LEPROTL1: variants seen among roughly 807,000 people sequenced by gnomAD.
LEPROTL1 encodes the protein leptin receptor overlapping transcript-like 1.
LEPROTL1 carries 6 observed loss-of-function variants against 15.4 expected under a neutral mutation model. The ratio of observed to expected loss-of-function variants is 0.39; its 90% CI spans 0.21 to 0.77. The LOEUF (loss-of-function observed/expected upper bound fraction) is 0.77. Among genes scored for constraint, LEPROTL1 ranks in the 30% least tolerant of loss-of-function variants. LEPROTL1 has a pLI of 0.41. For synonymous variants in LEPROTL1, 56 were observed against 52.6 expected, an observed-to-expected ratio of 1.06 and a Z score of -0.28; for missense variants, 128 against 158.1, an observed-to-expected ratio of 0.81 and a Z score of 1.02.
intron 2 of LEPROTL1, among the ~76,000 whole-genome samples, chr8:30,102,299 T>G (rs1267793219): frequency 6.7e-6 from 1 of 149,272 alleles, no homozygotes; most frequent in East Asian, 2.0e-4. Context: ...AATGTCTTTT[T>G]GCAAAAAAAT....
At chr8:30,098,500 C>T (rs112387461) in intron 1 of LEPROTL1, among the ~76,000 whole-genome samples, 1 of 152,078 alleles carries the variant, frequency 6.6e-6, no homozygotes, top group African/African-American at 2.4e-5. Flanking sequence ...CCTTTGTTTT[C>T]TCCAGGATTC....
chr8:30,110,878 T>C (rs755976256), downstream of LEPROTL1, among the ~76,000 whole-genome samples: 45 of 152,222 alleles, frequency 3.0e-4, no homozygotes, highest in Non-Finnish European at 6.3e-4. Context: ...AGCATTAGTA[T>C]TTATTAATTA....
chr8:30,106,684 G>C lies in LEPROTL1; in HGVS notation c.*822G>C. The C allele has an allele frequency of 8.1e-6, 8 of 983,982 alleles. No individual in the cohort carries two copies. Among genetic ancestry groups the C allele is most frequent in the Non-Finnish European group, 9.7e-6 (8 of 828,356 alleles). The allele number at this position is 983,982 out of a possible 1,614,324, so 61.0% of individuals were successfully genotyped here. A position where few individuals can be genotyped will look rare whatever the true frequency, so the allele number is the denominator to read the frequency against. On this transcript the variant is annotated 3_prime_UTR_variant, in exon 4 of 4. Coordinates refer to ENST00000321250, the MANE Select transcript of LEPROTL1 (RefSeq NM_015344.3). ...ATTGAAATTCCAGTTTTTGAATCCT[G>C]TTTCTATTTATAAGTGAAATTTGTG...
In LEPROTL1 at chr8:30,095,818, G is replaced by C. The variant is rs183358734; in HGVS notation, c.16+290G>C. ...CCGGACAAAATATGAAGTGGTTGGC[G>C]GTCAGTGAGGAGTCCCGTCGCGACT... On this transcript the variant is annotated intron_variant, in intron 1 of 3. Coordinates refer to ENST00000321250, the MANE Select transcript of LEPROTL1 (RefSeq NM_015344.3). The C allele has an allele frequency of 4.3e-6, 3 of 701,584 alleles. No individual in the cohort carries two copies. The African/African-American group carries it at 5.2e-5, about 12-fold the overall frequency. The allele number at this position is 701,584 out of a possible 1,614,324, so 43.5% of individuals were successfully genotyped here. A position where few individuals can be genotyped will look rare whatever the true frequency, so the allele number is the denominator to read the frequency against.
rs572623226 is a variant in LEPROTL1 at position 30,099,839 on chromosome 8, A to C, written c.17-2059A>C. Among the ~76,000 whole-genome samples the C allele has an allele frequency of 5.3e-5, 8 of 152,248 alleles. No individual in the cohort carries two copies. The South Asian group carries it at 1.2e-3, about 24-fold the overall frequency. On this transcript the variant is annotated intron_variant, in intron 1 of 3. Coordinates refer to ENST00000321250, the MANE Select transcript of LEPROTL1 (RefSeq NM_015344.3). ...GTGTGCACAGGCCACGTGAGTGAGC[A>C]AGTCTGCTGATTTCCAGGAAAGGAA...
chr8:30,099,396 A>G (rs893356163), intron 1 of LEPROTL1, among the ~76,000 whole-genome samples: 6 of 151,768 alleles, frequency 4.0e-5, no homozygotes, highest in African/African-American at 7.3e-5. Flanking sequence ...GATGGAGACC[A>G]TCCTGGCCAA....
chr8:30,096,393 C>T (rs1329718272), intron 1 of LEPROTL1: 1 of 985,248 alleles, frequency 1.0e-6, no homozygotes. Flanking sequence ...ACCTGCCGCT[C>T]TGTAGAAGGG....
At chr8:30,118,796 G>T (rs908808500) in intron 3 of LEPROTL1, among the ~76,000 whole-genome samples, 3 of 152,174 alleles carry the variant, frequency 2.0e-5, no homozygotes, top group Admixed American at 1.3e-4. Flanking sequence ...GTGAGCAAAG[G>T]AATCTGTGTC....
intron 1 of LEPROTL1, chr8:30,095,785 A>G (rs1388981456): frequency 1.4e-6 from 1 of 699,150 alleles, no homozygotes; most frequent in African/African-American, 1.8e-5. Context: ...TCTCCCACCC[A>G]TCGCCCCCCG....
chr8:30,095,658 A>AC, intron 1 of LEPROTL1, 130 bp downstream of exon 1: 1 of 775,218 alleles, frequency 1.3e-6, no homozygotes, highest in African/African-American at 1.9e-5. Context: ...CGGGGAAGCG[A>AC]CCCCCGCCCC....
At chr8:30,132,527 A>T in intron 4 of LEPROTL1, 1 of 1,551,762 alleles carries the variant, frequency 6.4e-7, no homozygotes, top group East Asian at 2.4e-5. Flanking sequence ...CACACGACAT[A>T]GATGCACTCG....
At chr8:30,102,164 T>C (rs1168271792) in intron 2 of LEPROTL1, among the ~76,000 whole-genome samples, 191 bp downstream of exon 2, 1 of 152,188 alleles carries the variant, frequency 6.6e-6, no homozygotes, top group Non-Finnish European at 1.5e-5. Flanking sequence ...GCAAATAATA[T>C]TTTTGGCTGT....
intron 3 of LEPROTL1, chr8:30,104,711 TTTC>T (rs1585464585): frequency 3.5e-5 from 13 of 368,638 alleles, no homozygotes; most frequent in South Asian, 7.7e-5. Flanking sequence ...TACTTTTTTT[TTTC>T]TTTTTTTTTT....
intron 1 of LEPROTL1, chr8:30,095,923 G>A (rs1357422202): frequency 1.4e-6 from 1 of 694,400 alleles, no homozygotes. Context: ...GGCTGAGGCT[G>A]CTAGAGATGC....
chr8:30,117,638 G>T, intron 3 of LEPROTL1: 1 of 1,481,412 alleles, frequency 6.8e-7, no homozygotes, highest in Non-Finnish European at 9.4e-7. Flanking sequence ...ATTCGCCAAT[G>T]TAACCATGCT....
At chr8:30,120,063 C>CAATA (rs201416312) in intron 3 of LEPROTL1, among the ~76,000 whole-genome samples, 2,015 of 100,442 alleles carry the variant, frequency 0.02, 31 homozygotes, top group African/African-American at 0.038. Flanking sequence ...GAGACTCCAT[C>CAATA]AATAAATAAA....
intron 3 of LEPROTL1, among the ~76,000 whole-genome samples, chr8:30,125,885 A>T: frequency 6.6e-6 from 1 of 152,184 alleles, no homozygotes; most frequent in South Asian, 2.1e-4. Context: ...ATTTCCTTTG[A>T]AATGTTTCGG....
At chr8:30,136,725 C>A (rs866016340) in intron 4 of LEPROTL1, among the ~76,000 whole-genome samples, 2 of 147,776 alleles carry the variant, frequency 1.4e-5, no homozygotes, top group African/African-American at 5.3e-5. Flanking sequence ...GTCTCTCCCC[C>A]CGAACTTTTT....
intron 1 of LEPROTL1, chr8:30,096,139 C>T: frequency 6.5e-6 from 2 of 307,918 alleles, no homozygotes; most frequent in Non-Finnish European, 9.5e-6. Flanking sequence ...GCTCCTGGCT[C>T]TCTTCCCTCT....
Sources: gnomAD v4.1 joint callset for allele counts (sites outside exome capture counted in the v4.1 genomes callset) on GRCh38, gnomAD v4.1.1 for gene constraint, MANE v1.5 for transcripts, NCBI Gene and HGNC (gene_info 2026-07-23, HGNC 2026-07-21) for gene names.